The following GXYLT2 variants were observed in gnomAD, a reference collection of about 807,000 sequenced individuals.
The protein encoded by GXYLT2 is glycosyltransferase 8 domain containing 4.
A neutral mutation model predicts 45.8 loss-of-function variants in GXYLT2; 53 were observed. The observed-to-expected ratio is 1.16, with a 90% CI of 0.93 to 1.46. GXYLT2 has a LOEUF of 1.46. Ranked by LOEUF, GXYLT2 falls within the 40% of genes most tolerant of loss-of-function variation. The pLI, the probability that GXYLT2 is intolerant of heterozygous loss-of-function variation, is 0.00. For missense variants in GXYLT2, 551 were observed against 544.4 expected, an observed-to-expected ratio of 1.01 and a Z score of -0.12; for synonymous variants, 219 against 214.2, an observed-to-expected ratio of 1.02 and a Z score of -0.19.
At chr3:72,913,198 C>T (rs377158863) in intron 2 of GXYLT2, among the ~76,000 whole-genome samples, 1,686 of 150,572 alleles carry the variant, frequency 0.011, 26 homozygotes, top group African/African-American at 0.037. Context: ...CCACCACGCC[C>T]GGCTAATTTT....
At chr3:72,950,390 GGCAGAGGTT>G (rs1430261787) in intron 3 of GXYLT2, among the ~76,000 whole-genome samples, 2 of 152,136 alleles carry the variant, frequency 1.3e-5, no homozygotes, top group Non-Finnish European at 2.9e-5. Flanking sequence ...GAACCCAGGA[GGCAGAGGTT>G]GCAGTGAGCC....
rs200250227 is a variant in GXYLT2, at chr3:72,975,926, C to CTTTTTTTTTTTTTTTTTTTTT, written c.*770_*790dup. The CTTTTTTTTTTTTTTTTTTTTT allele has an allele frequency of 8.4e-6, 1 of 119,538 alleles. No homozygotes were observed. 7.4% of individuals were successfully genotyped at this position (119,538 alleles called of 1,614,324 possible). ...GGGTATTTCTTCTTTTTCTTTCTTT[C>CTTTTTTTTTTTTTTTTTTTTT]TTTTTTTTTTTTTTTTTTTTTTTGA... On this transcript the variant is annotated 3_prime_UTR_variant, in exon 7 of 7. Transcript: ENST00000389617.
At chr3:72,891,466 G>C (rs983001094) in intron 1 of GXYLT2, among the ~76,000 whole-genome samples, 1 of 152,142 alleles carries the variant, frequency 6.6e-6, no homozygotes, top group African/African-American at 2.4e-5. Context: ...TTTGTAACTA[G>C]TCATTTGTAT....
intron 3 of GXYLT2, among the ~76,000 whole-genome samples, chr3:72,942,723 G>C (rs2107126862): frequency 6.6e-6 from 1 of 151,474 alleles, no homozygotes; most frequent in South Asian, 2.1e-4. Flanking sequence ...TAAATAACCG[G>C]CCAGTGTTTT....
chr3:72,901,852 C>T (rs1709415981), intron 1 of GXYLT2, among the ~76,000 whole-genome samples: 4 of 151,940 alleles, frequency 2.6e-5, no homozygotes, highest in South Asian at 4.2e-4. Flanking sequence ...TGAGCCACCG[C>T]ACCCAGCCTC....
chr3:72,899,072 A>G (rs760902364), intron 1 of GXYLT2, among the ~76,000 whole-genome samples: 7 of 152,158 alleles, frequency 4.6e-5, no homozygotes, highest in Non-Finnish European at 1.0e-4. Context: ...GTGGTTCCAA[A>G]TACAACATAA....
At chr3:72,942,012 A>G (rs1710311206) in intron 3 of GXYLT2, among the ~76,000 whole-genome samples, 1 of 152,136 alleles carries the variant, frequency 6.6e-6, no homozygotes, top group East Asian at 1.9e-4. Flanking sequence ...AAGGCAGGGA[A>G]AATGCAAGAT....
intron 2 of GXYLT2, among the ~76,000 whole-genome samples, chr3:72,916,884 T>C (rs1709754481): frequency 6.6e-6 from 1 of 151,822 alleles, no homozygotes; most frequent in African/African-American, 2.4e-5. Flanking sequence ...CAAACCCTTG[T>C]GAAAGCAATG....
intron 1 of GXYLT2, among the ~76,000 whole-genome samples, chr3:72,900,752 C>G (rs1709387652): frequency 6.6e-6 from 1 of 152,152 alleles, no homozygotes; most frequent in Admixed American, 6.5e-5. Flanking sequence ...CTACCATTAC[C>G]TGCTTTAAAA....
At chr3:72,889,292 C>G (rs1343750731) in intron 1 of GXYLT2, among the ~76,000 whole-genome samples, 1 of 152,142 alleles carries the variant, frequency 6.6e-6, no homozygotes, top group Admixed American at 6.5e-5. Flanking sequence ...TTCAACAATC[C>G]CCTTGTCTTG....
chr3:72,968,764 A>G lies in GXYLT2; in HGVS notation c.1149+1045A>G, dbSNP rs184237363. On this transcript the variant is annotated intron_variant, in intron 6 of 6. Transcript: ENST00000389617. ...AATATGGTGAAACCCTGTCTCTACT[A>G]AAAATACAAAAATTAGGCTTGGCGC... Among the ~76,000 whole-genome samples the G allele has an allele frequency of 3.3e-3, 498 of 152,264 alleles. 1 individual carries two copies. Among genetic ancestry groups the G allele is most frequent in the Non-Finnish European group, 5.9e-3 (403 of 68,010 alleles).
chr3:72,906,219 C>T (rs1407736756), intron 1 of GXYLT2, among the ~76,000 whole-genome samples: 1 of 152,168 alleles, frequency 6.6e-6, no homozygotes, highest in East Asian at 1.9e-4. Context: ...GAGACCAGGC[C>T]TGTGAGTCTT....
At chr3:72,950,266 G>A (rs1457530684) in intron 3 of GXYLT2, among the ~76,000 whole-genome samples, 15 of 152,188 alleles carry the variant, frequency 9.9e-5, no homozygotes, top group East Asian at 1.9e-4. Flanking sequence ...TTCAAGACCA[G>A]CCTGGCCAAC....
Position 72,888,055 on chromosome 3 carries a change from C to T in GXYLT2, c.-179C>T, listed in dbSNP as rs1028758407. 14 of 191,670 alleles carry T rather than the reference C, an allele frequency of 7.3e-5. No individual in the cohort carries two copies. Among genetic ancestry groups the T allele is most frequent in the Non-Finnish European group, 1.1e-4 (12 of 104,960 alleles). 11.9% of individuals were successfully genotyped at this position (191,670 alleles called of 1,614,324 possible). On this transcript the variant is annotated 5_prime_UTR_variant, in exon 1 of 7. Coordinates refer to ENST00000389617, the MANE Select transcript of GXYLT2 (RefSeq NM_001080393.2). The stretch of plus-strand genomic sequence containing the variant: ...TCACCGCCTCCCCCTCCTCTCCTCT[C>T]TCTCCTCCTCCTTCGCCGTCGCCGC...
At chr3:72,970,478 T>C (rs1212199002) in intron 6 of GXYLT2, among the ~76,000 whole-genome samples, 1 of 151,144 alleles carries the variant, frequency 6.6e-6, no homozygotes. Flanking sequence ...ACCCTGTCTC[T>C]GAAAAAACAA....
At chr3:72,947,167 T>C (rs1403846359) in intron 3 of GXYLT2, among the ~76,000 whole-genome samples, 2 of 152,194 alleles carry the variant, frequency 1.3e-5, no homozygotes, top group African/African-American at 4.8e-5. Context: ...GTGTTTTCTT[T>C]CTGACAGAGG....
At chr3:72,949,615 G>A (rs1355225874) in intron 3 of GXYLT2, among the ~76,000 whole-genome samples, 4 of 135,890 alleles carry the variant, frequency 2.9e-5, no homozygotes, top group East Asian at 4.8e-4. Flanking sequence ...GGGTTCAGGC[G>A]ATTCTCCTGC....
chr3:72,888,805 C>A (rs542660909), intron 1 of GXYLT2, among the ~76,000 whole-genome samples: 1 of 152,230 alleles, frequency 6.6e-6, no homozygotes, highest in South Asian at 2.1e-4. Context: ...AAACATGCAC[C>A]CTTTGTTTAA....
At chr3:72,930,174 C>A (rs199773055) in intron 3 of GXYLT2, among the ~76,000 whole-genome samples, 27 of 147,478 alleles carry the variant, frequency 1.8e-4, no homozygotes, top group East Asian at 2.0e-4. Flanking sequence ...CTCAAAAAAA[C>A]AAAAAAAAAA....
Sources: allele counts gnomAD v4.1 joint callset (sites outside exome capture counted in the v4.1 genomes callset), GRCh38; gene constraint gnomAD v4.1.1; transcripts MANE v1.5; gene names NCBI Gene and HGNC (gene_info 2026-07-23, HGNC 2026-07-21).